Variants in MCTS1 observed in about 807,000 individuals in gnomAD.
The protein encoded by MCTS1 is malignant T-cell-amplified sequence 1.
For missense variants in MCTS1, 55 were observed against 128.6 expected, an observed-to-expected ratio of 0.43 and a Z score of 2.77; for synonymous variants, 26 against 40.8, an observed-to-expected ratio of 0.64 and a Z score of 1.38.
chrX:120,607,591 T>C, intron 3 of MCTS1, among the ~76,000 whole-genome samples: 1 of 111,855 alleles, frequency 8.9e-6, no homozygotes, highest in Non-Finnish European at 1.9e-5. Context: ...CATCTTGTTT[T>C]GGAATGATAC....
rs1413615924 is a variant in MCTS1, at chrX:120,620,481, AAAATT to A, written c.*8219_*8223del. 9.8e-6 allele frequency: 1 copy of A among 102,451 alleles called. No individual in the cohort carries two copies. Among genetic ancestry groups the A allele is most frequent in the Non-Finnish European group, 2.0e-5 (1 of 51,255 alleles). The allele number at this position is 102,451 out of a possible 1,213,427, so 8.4% of individuals were successfully genotyped here. On this transcript the variant is annotated 3_prime_UTR_variant, in exon 6 of 6. Transcript: ENST00000371317. ...AAATACAAAAAAAAAAAAAAAAAAA[AAAATT>A]AGCCGGGCGTGGTGGCGCGTGCCTG...
chrX:120,608,252 T>C lies in MCTS1; in HGVS notation c.290T>C (p.Val97Ala). ...CCTTTTATCCTGCCACACCAGCAGGTTGATAAAGGAGCCATCAAATTTGTA... is the reference window on the plus strand; with the variant it reads ...CCTTTTATCCTGCCACACCAGCAGGCTGATAAAGGAGCCATCAAATTTGTA... ...KYPFILPHQQVDKGAIKFVLS... is the reference protein window; with the variant it reads ...KYPFILPHQQADKGAIKFVLS... Residue 97 changes from valine (V) to alanine (A), a missense_variant, in exon 4 of 6, where the codon GTT (valine) becomes GCT (alanine). Transcript: ENST00000371317. The C allele has an allele frequency of 8.3e-7, 1 of 1,202,072 alleles. No individual in the cohort carries two copies. Among genetic ancestry groups the C allele is most frequent in the Non-Finnish European group, 1.1e-6 (1 of 889,054 alleles).
chrX:120,608,533 C>T (rs1926599746), intron 4 of MCTS1, 175 bp downstream of exon 4: 1 of 481,935 alleles, frequency 2.1e-6, no homozygotes. Flanking sequence ...TTATTTGTTG[C>T]TACTAAATTA....
intron 4 of MCTS1, 177 bp downstream of exon 4, chrX:120,608,535 A>T: frequency 2.1e-6 from 1 of 473,797 alleles, no homozygotes; most frequent in South Asian, 8.7e-5. Context: ...ATTTGTTGCT[A>T]CTAAATTATC....
Position 120,620,724 on chromosome X carries a change from A to G in MCTS1, c.*8460A>G, listed in dbSNP as rs781414993. On this transcript the variant is annotated 3_prime_UTR_variant, in exon 6 of 6. Coordinates refer to ENST00000371317, the MANE Select transcript of MCTS1 (RefSeq NM_014060.3). ...AAAAACATTGAGGGGCCTAATCTAC[A>G]TTTTGCTCCGGATCCAATGATTTAA... is the stretch of plus-strand genomic sequence containing the variant. The G allele has an allele frequency of 2.2e-4, 25 of 111,797 alleles. No individual in the cohort carries two copies. Among genetic ancestry groups the G allele is most frequent in the African/African-American group, 8.1e-4 (25 of 30,823 alleles). The allele number at this position is 111,797 out of a possible 1,213,427, so 9.2% of individuals were successfully genotyped here. A position where few individuals can be genotyped will look rare whatever the true frequency, so the allele number is the denominator to read the frequency against.
rs1410518305 is a variant in MCTS1 at position 120,619,754 on chromosome X, C to G, written c.*7490C>G. Among the ~76,000 whole-genome samples the G allele has an allele frequency of 9.0e-6, 1 of 111,378 alleles. No individual in the cohort carries two copies. Among genetic ancestry groups the G allele is most frequent in the Non-Finnish European group, 1.9e-5 (1 of 53,102 alleles). ...TAAGAGTGGGATACTTGCACAGTAT[C>G]ATATTTGTGTGGCTGGAGTAATGTT... On this transcript the variant is annotated 3_prime_UTR_variant, in exon 6 of 6. Coordinates refer to ENST00000371317, the MANE Select transcript of MCTS1 (RefSeq NM_014060.3).
At chrX:120,604,826 T>C (rs1926490938) in intron 1 of MCTS1, 2 of 1,155,879 alleles carry the variant, frequency 1.7e-6, no homozygotes, top group Admixed American at 2.8e-5. Context: ...CTTCCAGATT[T>C]GGTAGACGCA....
intron 4 of MCTS1, 163 bp downstream of exon 4, chrX:120,608,521 T>A: frequency 3.7e-6 from 2 of 546,676 alleles, no homozygotes; most frequent in Non-Finnish European, 5.3e-6. Flanking sequence ...TACAAAGTAA[T>A]TTTATTTGTT....
chrX:120,618,415 G>C lies in MCTS1; in HGVS notation c.*6151G>C, dbSNP rs1926917744. Among the ~76,000 whole-genome samples the C allele has an allele frequency of 8.9e-6, 1 of 112,255 alleles. No individual in the cohort carries two copies. Among genetic ancestry groups the C allele is most frequent in the African/African-American group, 3.2e-5 (1 of 30,891 alleles). ...GGACTAGATTGGACATGGTGAGGAG[G>C]CTGGAAGGAAAGTCCTTTTTGCTCT... On this transcript the variant is annotated 3_prime_UTR_variant, in exon 6 of 6. Coordinates refer to ENST00000371317, the MANE Select transcript of MCTS1 (RefSeq NM_014060.3).
chrX:120,605,935 T>C, intron 2 of MCTS1, 144 bp from the exon 3 acceptor site: 1 of 372,989 alleles, frequency 2.7e-6, no homozygotes. Context: ...ACTTGCATGA[T>C]AGGAAAAACA....
chrX:120,608,447 G>A (rs773831643), intron 4 of MCTS1, 89 bp downstream of exon 4: 1 of 970,298 alleles, frequency 1.0e-6, no homozygotes, highest in East Asian at 3.3e-5. Context: ...GAGAACATTA[G>A]ATGTACTTTT....
rs1194514596 is a variant in MCTS1, at chrX:120,613,886, GATTT to G, written c.*1630_*1633del. 8.9e-6 allele frequency among the ~76,000 whole-genome samples: 1 copy of G among 112,291 alleles called. No individual in the cohort carries two copies. The highest frequency in any genetic ancestry group is 1.9e-5 in the Non-Finnish European group (1 of 53,290). On this transcript the variant is annotated 3_prime_UTR_variant, in exon 6 of 6. Coordinates refer to ENST00000371317, the MANE Select transcript of MCTS1 (RefSeq NM_014060.3). ...TTGGGGAGTTAAAAGAGCAGTTGTG[GATTT>G]ATTTATTGATAAAGACCATTTTTCT...
chrX:120,612,928 C>CTTTT lies in MCTS1; in HGVS notation c.*677_*680dup, dbSNP rs541130604. Reference sequence around the variant, plus strand: ...TCATTTCATCCATAACTACTTTATTCTTTTTTTTTTTTTTTTGAAACAGGG... The same window carrying CTTTT: ...TCATTTCATCCATAACTACTTTATTCTTTTTTTTTTTTTTTTTTTTGAAACAGGG... On this transcript the variant is annotated 3_prime_UTR_variant, in exon 6 of 6. Coordinates refer to ENST00000371317, the MANE Select transcript of MCTS1 (RefSeq NM_014060.3). Among the ~76,000 whole-genome samples, 1 of 93,136 alleles carries CTTTT rather than the reference C, an allele frequency of 1.1e-5. No individual in the cohort carries two copies. The highest frequency in any genetic ancestry group is 1.2e-4 in the Admixed American group (1 of 8,059). The allele number at this position is 93,136 out of a possible 115,157, so 80.9% of individuals were successfully genotyped here.
intron 3 of MCTS1, among the ~76,000 whole-genome samples, chrX:120,607,314 A>G (rs1422968729): frequency 9.0e-6 from 1 of 111,697 alleles, no homozygotes; most frequent in Admixed American, 9.6e-5. Context: ...TCAAACGTTT[A>G]TCTTTGTGTT....
Position 120,615,287 on chromosome X carries a change from T to G in MCTS1, c.*3023T>G, listed in dbSNP as rs1314374279. Among the ~76,000 whole-genome samples, 2 of 112,090 alleles carry G rather than the reference T, an allele frequency of 1.8e-5. No individual in the cohort carries two copies. Among genetic ancestry groups the G allele is most frequent in the African/African-American group, 6.5e-5 (2 of 30,837 alleles). ...GTGTGTCTTTAGTTCATTTTTAGTT[T>G]CAAAATTAAGTTTGTGTCAAACCAA... On this transcript the variant is annotated 3_prime_UTR_variant, in exon 6 of 6. Coordinates refer to ENST00000371317, the MANE Select transcript of MCTS1 (RefSeq NM_014060.3).
chrX:120,618,255 ATGT>A lies in MCTS1; in HGVS notation c.*5993_*5995del, dbSNP rs1168197984. 8.9e-6 allele frequency among the ~76,000 whole-genome samples: 1 copy of A among 112,338 alleles called. No homozygotes were observed. Among genetic ancestry groups the A allele is most frequent in the Non-Finnish European group, 1.9e-5 (1 of 53,346 alleles). ...TTGAGATGTCTGTTCCTGCCGACTG[ATGT>A]TTTAACAAATTTTTAGTTTCTCATG... is the stretch of plus-strand genomic sequence containing the variant. On this transcript the variant is annotated 3_prime_UTR_variant, in exon 6 of 6. Transcript: ENST00000371317.
chrX:120,610,446 C>T (rs1487313356), intron 4 of MCTS1, among the ~76,000 whole-genome samples: 1 of 106,279 alleles, frequency 9.4e-6, no homozygotes, highest in Non-Finnish European at 1.9e-5. Context: ...AATCCCATCT[C>T]TACTAAAAAT....
At position 120,615,323 on chromosome X, in the gene MCTS1, A is replaced by G. The variant is rs12839617; in HGVS notation, c.*3059A>G. Reference sequence around the variant, plus strand: ...TTTGTGTCAAACCAACCTACAATCTAGTAACTTGTGTATTGGACTCACTTT... The same window carrying G: ...TTTGTGTCAAACCAACCTACAATCTGGTAACTTGTGTATTGGACTCACTTT... On this transcript the variant is annotated 3_prime_UTR_variant, in exon 6 of 6. Coordinates refer to ENST00000371317, the MANE Select transcript of MCTS1 (RefSeq NM_014060.3). Among the ~76,000 whole-genome samples, 6,731 of 111,476 alleles carry G rather than the reference A, an allele frequency of 0.06. 471 individuals are homozygous for G. The highest frequency in any genetic ancestry group is 0.2 in the African/African-American group (6,029 of 30,520).
chrX:120,608,717 A>G (rs192290830), intron 4 of MCTS1, among the ~76,000 whole-genome samples: 1 of 111,822 alleles, frequency 8.9e-6, no homozygotes, highest in East Asian at 2.8e-4. Flanking sequence ...TTTGGATATC[A>G]ACTTGCCACT....
Sources: allele counts gnomAD v4.1 joint callset (sites outside exome capture counted in the v4.1 genomes callset), GRCh38; gene constraint gnomAD v4.1.1; transcripts MANE v1.5; gene names NCBI Gene and HGNC (gene_info 2026-07-23, HGNC 2026-07-21).